Variants in KCNK2 observed in about 807,000 individuals in gnomAD.
KCNK2 encodes potassium channel subfamily K member 2.
KCNK2 carries 21 observed loss-of-function variants against 40.5 expected under a neutral mutation model. The ratio of observed to expected loss-of-function variants is 0.52; its 90% CI spans 0.37 to 0.75. The LOEUF is 0.75. Among genes scored for constraint, KCNK2 ranks in the 30% least tolerant of loss-of-function variants. The pLI, the probability that KCNK2 is intolerant of heterozygous loss-of-function variation, is 0.00. For missense variants in KCNK2, 399 were observed against 531.6 expected (o/e 0.75, Z 2.45); for synonymous variants, 191 against 202.2 (o/e 0.94, Z 0.47).
At chr1:215,093,427 T>C (rs1029002227) in intron 2 of KCNK2, among the ~76,000 whole-genome samples, 7 of 132,168 alleles carry the variant, frequency 5.3e-5, no homozygotes, top group Non-Finnish European at 9.3e-5. Flanking sequence ...ATATATATTA[T>C]GTACATATAA....
intron 6 of KCNK2, among the ~76,000 whole-genome samples, chr1:215,208,081 C>T (rs117272119): frequency 0.014 from 2,130 of 152,268 alleles, 49 homozygotes; most frequent in South Asian, 0.076. Context: ...TGAATGTTCA[C>T]TGCAACACTA....
chr1:215,036,049 T>C (rs1404021180), intron 1 of KCNK2, among the ~76,000 whole-genome samples: 1 of 151,900 alleles, frequency 6.6e-6, no homozygotes, highest in African/African-American at 2.4e-5. Context: ...AATTCCAATT[T>C]ATAATTTTTT....
rs187347823 is a variant in KCNK2 at position 215,137,211 on chromosome 1, G to T, written c.475+12461G>T. On this transcript the variant is annotated intron_variant, in intron 3 of 6. Transcript: ENST00000444842. ...TTAGCATTTAGAGTATTGTACCAAT[G>T]ATCACTTAACAAGGTCAATATCACG... Among the ~76,000 whole-genome samples, 451 of 152,232 alleles carry T rather than the reference G, an allele frequency of 3.0e-3. 1 individual carries two copies. Among genetic ancestry groups the T allele is most frequent in the African/African-American group, 0.01 (426 of 41,536 alleles).
chr1:215,095,187 G>C (rs957467820), intron 2 of KCNK2, among the ~76,000 whole-genome samples: 3 of 152,072 alleles, frequency 2.0e-5, no homozygotes, highest in Non-Finnish European at 4.4e-5. Flanking sequence ...AGGCACATAT[G>C]TAGTAATTCG....
intron 3 of KCNK2, among the ~76,000 whole-genome samples, chr1:215,149,905 G>C (rs893897220): frequency 1.3e-5 from 2 of 152,196 alleles, no homozygotes; most frequent in Admixed American, 6.5e-5. Flanking sequence ...GTAGAATGAA[G>C]AGAGGGCTAC....
At chr1:215,193,765 T>C (rs534754844) in intron 5 of KCNK2, among the ~76,000 whole-genome samples, 32 of 152,302 alleles carry the variant, frequency 2.1e-4, no homozygotes, top group African/African-American at 7.7e-4. Context: ...GGAGTTAAGA[T>C]CAAATCTTTA....
intron 3 of KCNK2, among the ~76,000 whole-genome samples, chr1:215,145,986 T>C (rs1662397174): frequency 6.6e-6 from 1 of 152,166 alleles, no homozygotes; most frequent in Admixed American, 6.5e-5. Context: ...TATTACGCCT[T>C]GAACAGTTCT....
intron 1 of KCNK2, among the ~76,000 whole-genome samples, chr1:215,007,023 A>G (rs371051391): frequency 0.046 from 1,201 of 25,846 alleles, 65 homozygotes; most frequent in African/African-American, 0.087. Context: ...ATATATATAT[A>G]TATATATATA....
upstream of KCNK2, among the ~76,000 whole-genome samples, chr1:215,077,751 G>A (rs1163978259): frequency 6.6e-6 from 1 of 151,862 alleles, no homozygotes; most frequent in African/African-American, 2.4e-5. Context: ...TCTCTGTTGG[G>A]GAAGCCCTTT....
At chr1:215,080,659 A>G (rs1412496026), upstream of KCNK2, among the ~76,000 whole-genome samples, 4 of 152,248 alleles carry the variant, frequency 2.6e-5, no homozygotes, top group African/African-American at 9.6e-5. Context: ...CATACAATCT[A>G]GTTTAAAGAA....
chr1:215,015,037 A>C (rs775792403), intron 1 of KCNK2, among the ~76,000 whole-genome samples: 1 of 152,192 alleles, frequency 6.6e-6, no homozygotes, highest in African/African-American at 2.4e-5. Flanking sequence ...AGGTCAGGAA[A>C]GCATATCATA....
intron 2 of KCNK2, among the ~76,000 whole-genome samples, chr1:215,116,730 C>A (rs1388191785): frequency 6.6e-6 from 1 of 151,828 alleles, no homozygotes; most frequent in Non-Finnish European, 1.5e-5. Flanking sequence ...AAATAATATC[C>A]CTTTTAAGTA....
At chr1:215,186,796 G>GT (rs1237148264) in intron 5 of KCNK2, among the ~76,000 whole-genome samples, 2 of 152,178 alleles carry the variant, frequency 1.3e-5, no homozygotes, top group African/African-American at 4.8e-5. Flanking sequence ...TCAGTGCTCA[G>GT]TGTTCTGGGG....
At chr1:215,196,509 A>G (rs1203272370) in intron 6 of KCNK2, among the ~76,000 whole-genome samples, 2 of 152,228 alleles carry the variant, frequency 1.3e-5, no homozygotes, top group East Asian at 3.8e-4. Flanking sequence ...TTCAGTCTGT[A>G]TGCATTAGTC....
In KCNK2 at chr1:215,142,086, C is replaced by T. The variant is rs572836054; in HGVS notation, c.475+17336C>T. Among the ~76,000 whole-genome samples, 17 of 152,212 alleles carry T rather than the reference C, an allele frequency of 1.1e-4. No individual in the cohort carries two copies. The East Asian group carries it at 3.3e-3, about 29-fold the overall frequency. Reference sequence around the variant, plus strand: ...ACTGACTTGAGTTTGTACTATTTCTCTTCTACTCCTTAATTACATTGAATA... The same window carrying T: ...ACTGACTTGAGTTTGTACTATTTCTTTTCTACTCCTTAATTACATTGAATA... On this transcript the variant is annotated intron_variant, in intron 3 of 6. Coordinates refer to ENST00000444842, the MANE Select transcript of KCNK2 (RefSeq NM_001017425.3).
chr1:215,100,857 C>T (rs978882757), intron 2 of KCNK2, among the ~76,000 whole-genome samples: 1 of 151,910 alleles, frequency 6.6e-6, no homozygotes, highest in Non-Finnish European at 1.5e-5. Context: ...ATTTATCATT[C>T]GTGTAAAAGA....
At chr1:215,213,048 T>G (rs889804119) in intron 6 of KCNK2, among the ~76,000 whole-genome samples, 3 of 152,312 alleles carry the variant, frequency 2.0e-5, no homozygotes, top group Middle Eastern at 3.4e-3. Context: ...TGAGGGGGGC[T>G]TATGCTTGAC....
At chr1:215,108,843 G>A (rs909784639) in intron 2 of KCNK2, among the ~76,000 whole-genome samples, 4 of 151,598 alleles carry the variant, frequency 2.6e-5, no homozygotes, top group African/African-American at 7.3e-5. Context: ...TGTGTGAGGG[G>A]TTGGGGAGAG....
intron 1 of KCNK2, among the ~76,000 whole-genome samples, chr1:215,062,979 G>A (rs190408405): frequency 6.6e-6 from 1 of 152,212 alleles, no homozygotes; most frequent in African/African-American, 2.4e-5. Flanking sequence ...ATAAACTTGG[G>A]TCTAGAAGAA....
Sources: gnomAD v4.1 joint callset for allele counts (sites outside exome capture counted in the v4.1 genomes callset) on GRCh38, gnomAD v4.1.1 for gene constraint, MANE v1.5 for transcripts, NCBI Gene and HGNC (gene_info 2026-07-23, HGNC 2026-07-21) for gene names.